PLEKHM3: variants seen among roughly 807,000 people sequenced by gnomAD.
PLEKHM3 encodes the protein pleckstrin homology domain-containing family M member 3.
A neutral mutation model predicts 81.8 loss-of-function variants in PLEKHM3; 45 were observed. The observed-to-expected ratio is 0.55, with a 90% CI of 0.43 to 0.71. The LOEUF (loss-of-function observed/expected upper bound fraction) is 0.71. PLEKHM3 is among the 30% of genes least tolerant of loss of function. The probability of loss-of-function intolerance (pLI) is 0.00; values close to 1 mark genes in which losing one functional copy is unlikely to be tolerated. For missense variants in PLEKHM3, 788 were observed against 924.3 expected (o/e 0.85, Z 1.91); for synonymous variants, 352 against 356.4 (o/e 0.99, Z 0.14).
At chr2:208,017,579 C>T (rs1255968143) in intron 1 of PLEKHM3, among the ~76,000 whole-genome samples, 1 of 152,098 alleles carries the variant, frequency 6.6e-6, no homozygotes, top group Non-Finnish European at 1.5e-5. Flanking sequence ...TGAATAAAAT[C>T]CATCTTTGCC....
At chr2:207,834,130 C>CTTT (rs35913574) in intron 7 of PLEKHM3, among the ~76,000 whole-genome samples, 6 of 140,542 alleles carry the variant, frequency 4.3e-5, no homozygotes, top group Non-Finnish European at 6.1e-5. Context: ...TTTTCTCTTT[C>CTTT]TTTTTTTTTT....
chr2:207,833,817 A>T (rs1361414010), intron 7 of PLEKHM3, among the ~76,000 whole-genome samples: 1 of 152,022 alleles, frequency 6.6e-6, no homozygotes, highest in East Asian at 1.9e-4. Flanking sequence ...CTTACACAGG[A>T]CTCCCACACT....
At chr2:207,985,395 C>T (rs1220828457) in intron 2 of PLEKHM3, among the ~76,000 whole-genome samples, 1 of 151,730 alleles carries the variant, frequency 6.6e-6, no homozygotes, top group Non-Finnish European at 1.5e-5. Context: ...GTCATTTTTG[C>T]CTTATATTTC....
At chr2:207,880,197 A>T (rs2092579365) in intron 6 of PLEKHM3, among the ~76,000 whole-genome samples, 1 of 152,144 alleles carries the variant, frequency 6.6e-6, no homozygotes, top group Admixed American at 6.5e-5. Context: ...ACTTGAGGCC[A>T]GGAGTTCGAG....
At chr2:207,858,623 G>A (rs1429788672) in intron 7 of PLEKHM3, among the ~76,000 whole-genome samples, 2 of 151,944 alleles carry the variant, frequency 1.3e-5, no homozygotes, top group African/African-American at 2.4e-5. Context: ...TGGGATTACA[G>A]GAATTTGCCA....
At chr2:207,946,614 T>C (rs940888274) in intron 3 of PLEKHM3, 102 bp from the exon 4 acceptor site, 8 of 1,425,516 alleles carry the variant, frequency 5.6e-6, no homozygotes, top group African/African-American at 2.9e-5. Flanking sequence ...TTATATTTCA[T>C]TTACCTAGTC....
chr2:207,915,967 T>C (rs1688979950), intron 5 of PLEKHM3, among the ~76,000 whole-genome samples: 1 of 152,224 alleles, frequency 6.6e-6, no homozygotes, highest in South Asian at 2.1e-4. Context: ...TGATATGAGC[T>C]GCAAACTCTT....
intron 2 of PLEKHM3, among the ~76,000 whole-genome samples, chr2:207,994,495 CT>C (rs1025235666): frequency 7.6e-4 from 110 of 143,964 alleles, no homozygotes; most frequent in Middle Eastern, 3.7e-3. Context: ...ATCAGCCATT[CT>C]TTTTTTTTTT....
At chr2:207,896,215 G>A (rs1039147434) in intron 6 of PLEKHM3, among the ~76,000 whole-genome samples, 10 of 152,214 alleles carry the variant, frequency 6.6e-5, no homozygotes, top group Admixed American at 2.6e-4. Context: ...CTCACTTCAC[G>A]AATGAAGAAA....
chr2:207,953,973 T>G (rs1425874773), intron 3 of PLEKHM3, among the ~76,000 whole-genome samples: 2 of 152,170 alleles, frequency 1.3e-5, no homozygotes, highest in Non-Finnish European at 2.9e-5. Flanking sequence ...GCTCTGTCCT[T>G]AAGAATCTCA....
At chr2:207,996,717 T>C (rs1574478170) in intron 2 of PLEKHM3, among the ~76,000 whole-genome samples, 1 of 152,154 alleles carries the variant, frequency 6.6e-6, no homozygotes, top group African/African-American at 2.4e-5. Flanking sequence ...AGTTAATAAC[T>C]ATGAGAAAGT....
At chr2:207,848,389 A>T (rs1010922513) in intron 7 of PLEKHM3, among the ~76,000 whole-genome samples, 1 of 152,222 alleles carries the variant, frequency 6.6e-6, no homozygotes, top group African/African-American at 2.4e-5. Flanking sequence ...TAAGTAAGTG[A>T]CAACTTTAGG....
intron 7 of PLEKHM3, among the ~76,000 whole-genome samples, chr2:207,830,916 T>C (rs2092283699): frequency 6.6e-6 from 1 of 152,218 alleles, no homozygotes; most frequent in South Asian, 2.1e-4. Context: ...ACCCAGTCTG[T>C]GGTCTTCCGT....
intron 5 of PLEKHM3, among the ~76,000 whole-genome samples, chr2:207,916,358 T>C (rs933593908): frequency 2.7e-4 from 41 of 152,214 alleles, no homozygotes; most frequent in Non-Finnish European, 3.7e-4. Flanking sequence ...AGCTGTTATA[T>C]ACCTAGCTCA....
In PLEKHM3 at chr2:207,826,997, C is replaced by T. The variant is rs1214201534; in HGVS notation, c.*1322G>A. On this transcript the variant is annotated 3_prime_UTR_variant, in exon 8 of 8. Transcript: ENST00000427836. ...AGGGCACTGCAGCTGGAGAACACTACCTGCCAAATAGCAAAGCAGATCTCT... is the reference window on the plus strand; with the variant it reads ...AGGGCACTGCAGCTGGAGAACACTATCTGCCAAATAGCAAAGCAGATCTCT... The T allele has an allele frequency of 6.6e-6, 1 of 152,116 alleles. No homozygotes were observed. Among genetic ancestry groups the T allele is most frequent in the African/African-American group, 2.4e-5 (1 of 41,400 alleles). The allele number at this position is 152,116 out of a possible 1,614,324, so 9.4% of individuals were successfully genotyped here.
At chr2:207,895,709 G>A (rs530488689) in intron 6 of PLEKHM3, among the ~76,000 whole-genome samples, 6 of 152,250 alleles carry the variant, frequency 3.9e-5, no homozygotes, top group South Asian at 2.1e-4. Flanking sequence ...GGTGCTGCCC[G>A]TTTTAGGAGG....
chr2:207,978,023 C>T (rs891912008), intron 2 of PLEKHM3, among the ~76,000 whole-genome samples: 2 of 152,112 alleles, frequency 1.3e-5, no homozygotes, highest in South Asian at 4.1e-4. Context: ...GAGGTTGGAG[C>T]TGCAGTGAGC....
rs1280983172 is a variant in PLEKHM3 at position 207,962,639 on chromosome 2, A to G, written c.1546+14012T>C. On this transcript the variant is annotated intron_variant, in intron 3 of 7. Transcript: ENST00000427836. ...TTGCACTGGCATCTGAAGTGGGAGC[A>G]GTCTTGTAGAGGGCTGAGCCTTTAA... 2.0e-5 allele frequency among the ~76,000 whole-genome samples: 3 copies of G among 152,210 alleles called. No homozygotes were observed. The East Asian group carries it at 5.8e-4, about 29-fold the overall frequency.
At chr2:208,007,827 G>A (rs536517552) in intron 1 of PLEKHM3, among the ~76,000 whole-genome samples, 16 of 152,212 alleles carry the variant, frequency 1.1e-4, no homozygotes, top group East Asian at 9.7e-4. Context: ...AGGCCAAGGC[G>A]GGTGGATCAC....
Sources: allele counts gnomAD v4.1 joint callset (sites outside exome capture counted in the v4.1 genomes callset), GRCh38; gene constraint gnomAD v4.1.1; transcripts MANE v1.5; gene names NCBI Gene and HGNC (gene_info 2026-07-23, HGNC 2026-07-21).